The following LINGO2 variants were observed in gnomAD, a reference collection of about 807,000 sequenced individuals.
The protein encoded by LINGO2 is leucine-rich repeat and immunoglobulin-like domain-containing nogo receptor-interacting protein 2.
LINGO2 carries 14 observed loss-of-function variants against 30.6 expected under a neutral mutation model. The ratio of observed to expected loss-of-function variants is 0.46; its 90% CI spans 0.30 to 0.72. The LOEUF (loss-of-function observed/expected upper bound fraction) is 0.72. LINGO2 is among the 30% of genes least tolerant of loss of function. The pLI is 0.07. For missense variants in LINGO2, 729 were observed against 751.7 expected (o/e 0.97, Z 0.35); for synonymous variants, 317 against 288.5 (o/e 1.10, Z -1.00).
chr9:28,767,567 C>T, the LINGO2 span, among the ~76,000 whole-genome samples: 1 of 151,984 alleles, frequency 6.6e-6, no homozygotes, highest in Non-Finnish European at 1.5e-5. Context: ...AGGCAGATCA[C>T]GAGGTCAGGA....
At chr9:28,054,282 C>CCA (rs1410570063) in intron 4 of LINGO2, among the ~76,000 whole-genome samples, 2 of 152,104 alleles carry the variant, frequency 1.3e-5, no homozygotes, top group African/African-American at 4.8e-5. Flanking sequence ...CTCAGTTCAA[C>CCA]CAGCAGGAGC....
chr9:28,164,415 T>G (rs991220140), intron 4 of LINGO2, among the ~76,000 whole-genome samples: 2 of 152,214 alleles, frequency 1.3e-5, no homozygotes, highest in African/African-American at 4.8e-5. Flanking sequence ...ATTTACTTTT[T>G]GTAAAGATGT....
At chr9:29,054,880 T>A in the LINGO2 span, among the ~76,000 whole-genome samples, 1 of 152,076 alleles carries the variant, frequency 6.6e-6, no homozygotes, top group African/African-American at 2.4e-5. Context: ...TTCTTGGATA[T>A]ATTGAGTATT....
At chr9:28,250,463 A>G (rs914210941) in intron 4 of LINGO2, among the ~76,000 whole-genome samples, 2 of 152,212 alleles carry the variant, frequency 1.3e-5, no homozygotes, top group African/African-American at 2.4e-5. Flanking sequence ...CAGGACATCA[A>G]CAGGTGCAGA....
the LINGO2 span, among the ~76,000 whole-genome samples, chr9:28,947,565 G>A: frequency 1.3e-5 from 2 of 151,750 alleles, no homozygotes; most frequent in Non-Finnish European, 2.9e-5. Flanking sequence ...TCCACTTCAG[G>A]AGCAAGAAAA....
At chr9:28,385,379 T>G (rs1272931490) in intron 2 of LINGO2, among the ~76,000 whole-genome samples, 1 of 152,116 alleles carries the variant, frequency 6.6e-6, no homozygotes, top group Non-Finnish European at 1.5e-5. Context: ...AAAAGCAAAT[T>G]CACATACAGG....
chr9:28,331,141 C>T (rs1249180988), intron 3 of LINGO2, among the ~76,000 whole-genome samples: 1 of 151,792 alleles, frequency 6.6e-6, no homozygotes, highest in Non-Finnish European at 1.5e-5. Flanking sequence ...TATTCCTTTC[C>T]AGGTCTCTTT....
chr9:28,641,826 T>C (rs1314433694), intron 1 of LINGO2, among the ~76,000 whole-genome samples: 1 of 152,074 alleles, frequency 6.6e-6, no homozygotes, highest in Non-Finnish European at 1.5e-5. Flanking sequence ...GCAAGTGTGA[T>C]TTTTACCAGC....
At chr9:28,171,881 G>A (rs1828595047) in intron 4 of LINGO2, among the ~76,000 whole-genome samples, 1 of 150,752 alleles carries the variant, frequency 6.6e-6, no homozygotes, top group South Asian at 2.1e-4. Flanking sequence ...ATTTAGCCAG[G>A]CGTGGTGGCG....
chr9:28,751,155 G>A, the LINGO2 span, among the ~76,000 whole-genome samples: 2 of 151,638 alleles, frequency 1.3e-5, no homozygotes, highest in Non-Finnish European at 2.9e-5. Flanking sequence ...TGGTAGCATG[G>A]TGGCATGTGC....
chr9:28,920,278 C>A, the LINGO2 span, among the ~76,000 whole-genome samples: 1 of 151,824 alleles, frequency 6.6e-6, no homozygotes, highest in Admixed American at 6.6e-5. Flanking sequence ...ACAGTTGCAT[C>A]TTTATAGAGG....
At chr9:29,063,039 A>C in the LINGO2 span, among the ~76,000 whole-genome samples, 2 of 152,276 alleles carry the variant, frequency 1.3e-5, no homozygotes, top group South Asian at 2.1e-4. Flanking sequence ...TAATAGCTTT[A>C]TGGTTCAGTA....
At chr9:28,734,414 A>G in the LINGO2 span, among the ~76,000 whole-genome samples, 1 of 152,104 alleles carries the variant, frequency 6.6e-6, no homozygotes, top group Non-Finnish European at 1.5e-5. Flanking sequence ...TCCTTTCAAC[A>G]TTTTTTGGAC....
At chr9:28,869,586 T>C in the LINGO2 span, among the ~76,000 whole-genome samples, 2 of 151,762 alleles carry the variant, frequency 1.3e-5, no homozygotes, top group Non-Finnish European at 2.9e-5. Context: ...AAGATGAAAA[T>C]TAGCTAAAAG....
chr9:28,990,249 C>A, the LINGO2 span, among the ~76,000 whole-genome samples: 3 of 152,226 alleles, frequency 2.0e-5, no homozygotes, highest in African/African-American at 7.2e-5. Flanking sequence ...GTCTCGCTGA[C>A]TGCTAGCACA....
chr9:28,907,605 T>C, the LINGO2 span, among the ~76,000 whole-genome samples: 1 of 151,784 alleles, frequency 6.6e-6, no homozygotes. Context: ...GAAAGAAATA[T>C]ACAAGATGTA....
intron 1 of LINGO2, among the ~76,000 whole-genome samples, chr9:28,626,535 T>G (rs1255607799): frequency 2.0e-5 from 3 of 152,122 alleles, no homozygotes; most frequent in East Asian, 3.9e-4. Flanking sequence ...TAGTACAAAT[T>G]AAAGTTTGAG....
In LINGO2 at chr9:27,993,669, T is replaced by C. The variant is rs369448542; in HGVS notation, c.-36+18686A>G. Among the ~76,000 whole-genome samples, 107 of 152,294 alleles carry C rather than the reference T, an allele frequency of 7.0e-4. No individual in the cohort carries two copies. In the South Asian group the frequency reaches 0.021, roughly 29 times the overall value. On this transcript the variant is annotated intron_variant, in intron 5 of 5. Transcript: ENST00000379992. ...TGCCTCTTTAAATATAGGTTAATAA[T>C]TGGTAATTTATTAGTGTCTAAATAT...
At chr9:28,644,837 C>T (rs7863673) in intron 1 of LINGO2, among the ~76,000 whole-genome samples, 3,041 of 151,958 alleles carry the variant, frequency 0.02, 108 homozygotes, top group African/African-American at 0.067. Context: ...TATGTACTCA[C>T]ATAAATCAAA....
Sources: gnomAD v4.1 joint callset for allele counts (sites outside exome capture counted in the v4.1 genomes callset) on GRCh38, gnomAD v4.1.1 for gene constraint, MANE v1.5 for transcripts, NCBI Gene and HGNC (gene_info 2026-07-23, HGNC 2026-07-21) for gene names.